Variants in TOP6BL observed in about 807,000 individuals in gnomAD.
TOP6BL encodes type 2 DNA topoisomerase 6 subunit B-like.
the TOP6BL span, chr11:66,814,000 CT>C: frequency 1.2e-6 from 2 of 1,613,138 alleles, no homozygotes; most frequent in South Asian, 2.2e-5. Flanking sequence ...CAATTTGGAT[CT>C]CAATTTGGAT....
chr11:66,827,531 G>A, the TOP6BL span, among the ~76,000 whole-genome samples: 44 of 150,232 alleles, frequency 2.9e-4, no homozygotes, highest in African/African-American at 2.5e-5. Flanking sequence ...TAAAAGACTC[G>A]TCAGAAAAAA....
chr11:66,788,832 A>T, the TOP6BL span, among the ~76,000 whole-genome samples: 5 of 152,178 alleles, frequency 3.3e-5, no homozygotes, highest in East Asian at 7.7e-4. Flanking sequence ...CACACTACAG[A>T]CTTGAACTCC....
chr11:66,786,356 G>T, the TOP6BL span, among the ~76,000 whole-genome samples: 1 of 151,924 alleles, frequency 6.6e-6, no homozygotes, highest in African/African-American at 2.4e-5. Flanking sequence ...TATTTATTAA[G>T]ATTTAAAAAT....
the TOP6BL span, chr11:66,801,208 G>A: frequency 1.7e-6 from 2 of 1,160,572 alleles, no homozygotes; most frequent in Non-Finnish European, 2.5e-6. Flanking sequence ...GTAAGTGCCA[G>A]GTGTCAGCTT....
the TOP6BL span, chr11:66,821,649 A>G: frequency 5.0e-6 from 8 of 1,606,258 alleles, no homozygotes; most frequent in Non-Finnish European, 8.5e-7. Flanking sequence ...TTAGGAGTCT[A>G]TACTTTGCTC....
At chr11:66,758,216 G>T in the TOP6BL span, 1 of 789,900 alleles carries the variant, frequency 1.3e-6, no homozygotes, top group Non-Finnish European at 1.5e-6. Flanking sequence ...TGTCTACCCT[G>T]AATAATTATT....
the TOP6BL span, chr11:66,800,946 T>TCGC: frequency 7.1e-7 from 1 of 1,407,408 alleles, no homozygotes; most frequent in South Asian, 1.2e-5. Flanking sequence ...GCTGGGGTGG[T>TCGC]AGTAGTCATG....
chr11:66,772,238 A>G, the TOP6BL span, among the ~76,000 whole-genome samples: 2 of 152,222 alleles, frequency 1.3e-5, no homozygotes, highest in Non-Finnish European at 2.9e-5. Flanking sequence ...TTGAAATACA[A>G]TTGATGTTTA....
the TOP6BL span, among the ~76,000 whole-genome samples, chr11:66,841,653 A>G: frequency 6.6e-6 from 1 of 152,184 alleles, no homozygotes; most frequent in Non-Finnish European, 1.5e-5. Flanking sequence ...CCTGTCTTCT[A>G]CAGATGAAAA....
chr11:66,765,718 G>T, the TOP6BL span, among the ~76,000 whole-genome samples: 9 of 152,152 alleles, frequency 5.9e-5, no homozygotes, highest in Non-Finnish European at 1.2e-4. Flanking sequence ...ATTTCACCAT[G>T]TTGGCCAGGC....
chr11:66,761,754 A>G, the TOP6BL span: 6 of 780,598 alleles, frequency 7.7e-6, no homozygotes, highest in Non-Finnish European at 1.4e-5. Context: ...TTGAGTGTAT[A>G]GTTAGTATCC....
the TOP6BL span, among the ~76,000 whole-genome samples, chr11:66,840,321 C>G: frequency 6.6e-6 from 1 of 152,168 alleles, no homozygotes; most frequent in Non-Finnish European, 1.5e-5. Flanking sequence ...TTACGGATCT[C>G]TTTTCTCAGT....
At chr11:66,842,332 G>T in the TOP6BL span, among the ~76,000 whole-genome samples, 4 of 152,280 alleles carry the variant, frequency 2.6e-5, no homozygotes, top group Non-Finnish European at 5.9e-5. Flanking sequence ...TAGCATCTGT[G>T]AGCTTCTCTC....
chr11:66,776,798 C>G, the TOP6BL span, among the ~76,000 whole-genome samples: 1 of 152,064 alleles, frequency 6.6e-6, no homozygotes, highest in Non-Finnish European at 1.5e-5. Context: ...GCTAGTAATC[C>G]CAGCACTTTG....
chr11:66,785,780 T>A, the TOP6BL span, among the ~76,000 whole-genome samples: 1 of 152,206 alleles, frequency 6.6e-6, no homozygotes, highest in Admixed American at 6.5e-5. Flanking sequence ...CTCTAGTCCT[T>A]GTTCATGTGT....
At chr11:66,752,538 G>A in the TOP6BL span, among the ~76,000 whole-genome samples, 6 of 151,756 alleles carry the variant, frequency 4.0e-5, no homozygotes, top group African/African-American at 7.3e-5. Flanking sequence ...TGCAACCTCC[G>A]CCTCCCGGGT....
At chr11:66,770,861 T>G in the TOP6BL span, among the ~76,000 whole-genome samples, 2 of 152,184 alleles carry the variant, frequency 1.3e-5, no homozygotes, top group Admixed American at 6.5e-5. Context: ...GCCTTGACTT[T>G]CTACTTTTTC....
At chr11:66,808,337 T>A in the TOP6BL span, among the ~76,000 whole-genome samples, 1 of 152,004 alleles carries the variant, frequency 6.6e-6, no homozygotes, top group Non-Finnish European at 1.5e-5. Context: ...AAGTTCGAGA[T>A]CAGCCTGGGA....
chr11:66,799,819 C>G, the TOP6BL span, among the ~76,000 whole-genome samples: 1 of 151,742 alleles, frequency 6.6e-6, no homozygotes, highest in Non-Finnish European at 1.5e-5. Context: ...ATGGCTCATT[C>G]CTATAATCCT....
Sources: allele counts gnomAD v4.1 joint callset (sites outside exome capture counted in the v4.1 genomes callset), GRCh38; gene constraint gnomAD v4.1.1; transcripts MANE v1.5; gene names NCBI Gene and HGNC (gene_info 2026-07-23, HGNC 2026-07-21).